The following SAMSN1 variants were observed in gnomAD, a reference collection of about 807,000 sequenced individuals.
SAMSN1 encodes SAM domain, SH3 domain and nuclear localization signals 1, also known as SAM domain-containing protein SAMSN-1.
Under a neutral mutation model 42.0 loss-of-function variants are expected in SAMSN1, and 31 were observed. That is an observed-to-expected ratio of 0.74 (90% CI 0.55 to 1.00). The LOEUF (loss-of-function observed/expected upper bound fraction) is 1.00. Ranked by LOEUF, SAMSN1 falls within the 50% of genes least tolerant of loss-of-function variation. The pLI, the probability that SAMSN1 is intolerant of heterozygous loss-of-function variation, is 0.00. For synonymous variants in SAMSN1, 178 were observed against 151.9 expected, an observed-to-expected ratio of 1.17 and a Z score of -1.26; for missense variants, 464 against 439.4, an observed-to-expected ratio of 1.06 and a Z score of -0.50.
chr21:14,509,866 G>A (rs1286912451), intron 5 of SAMSN1, among the ~76,000 whole-genome samples: 3 of 152,168 alleles, frequency 2.0e-5, no homozygotes, highest in Non-Finnish European at 4.4e-5. Context: ...TGGGCCAGGC[G>A]TGGTGGCTCA....
intron 2 of SAMSN1, among the ~76,000 whole-genome samples, chr21:14,570,261 C>T (rs918211462): frequency 1.3e-5 from 2 of 152,158 alleles, no homozygotes; most frequent in Non-Finnish European, 2.9e-5. Flanking sequence ...GAAAGCCACC[C>T]TTAATATTCA....
At chr21:14,564,379 A>T (rs1027552203) in intron 2 of SAMSN1, among the ~76,000 whole-genome samples, 2 of 152,212 alleles carry the variant, frequency 1.3e-5, no homozygotes, top group African/African-American at 2.4e-5. Context: ...ATTTATTGAT[A>T]ATCTGCTATA....
At chr21:14,614,356 A>T (rs1435915320) in intron 3 of SAMSN1, among the ~76,000 whole-genome samples, 1 of 152,164 alleles carries the variant, frequency 6.6e-6, no homozygotes, top group African/African-American at 2.4e-5. Flanking sequence ...GTTTGGTGAT[A>T]TGAGTTTATC....
intron 1 of SAMSN1, among the ~76,000 whole-genome samples, chr21:14,651,223 C>CA (rs1026471209): frequency 5.0e-4 from 72 of 145,452 alleles, no homozygotes; most frequent in Admixed American, 9.6e-4. Context: ...AAAGACACAT[C>CA]AAAAAAAAAA....
chr21:14,515,197 G>A (rs1469118118), intron 3 of SAMSN1, among the ~76,000 whole-genome samples: 1 of 152,142 alleles, frequency 6.6e-6, no homozygotes, highest in African/African-American at 2.4e-5. Context: ...ACTACTGACG[G>A]CGACAGCTAT....
chr21:14,639,765 G>A (rs1446480003), intron 2 of SAMSN1, among the ~76,000 whole-genome samples: 1 of 151,694 alleles, frequency 6.6e-6, no homozygotes, highest in Non-Finnish European at 1.5e-5. Flanking sequence ...TTTTTTCAGC[G>A]CATTTACTTA....
In SAMSN1 at chr21:14,527,806, A is replaced by G. The variant is rs78654300; in HGVS notation, c.58-6585T>C. On this transcript the variant is annotated intron_variant, in intron 1 of 7. Transcript: ENST00000400566. ...AAATGCAGAATGATCCATAACCTCT[A>G]AAAGTGGTTATTCATACCAGCTTAT... Among the ~76,000 whole-genome samples the G allele has an allele frequency of 2.2e-3, 334 of 151,872 alleles. 1 individual carries two copies. The highest frequency in any genetic ancestry group is 7.6e-3 in the African/African-American group (317 of 41,482).
At chr21:14,555,649 TC>T (rs960077681) in intron 2 of SAMSN1, among the ~76,000 whole-genome samples, 9 of 152,216 alleles carry the variant, frequency 5.9e-5, no homozygotes, top group African/African-American at 2.2e-4. Flanking sequence ...TTCATATTCT[TC>T]TCACAAGCAC....
intron 2 of SAMSN1, among the ~76,000 whole-genome samples, chr21:14,518,753 A>G (rs113192847): frequency 6.6e-6 from 1 of 152,234 alleles, no homozygotes; most frequent in Non-Finnish European, 1.5e-5. Flanking sequence ...ATTGCACTTT[A>G]TTAATTTCTA....
chr21:14,618,699 C>CGT (rs1982918926), intron 2 of SAMSN1, among the ~76,000 whole-genome samples: 2 of 133,548 alleles, frequency 1.5e-5, no homozygotes, highest in African/African-American at 2.8e-5. Flanking sequence ...TGTGCGCGCG[C>CGT]GCGCACGCGC....
chr21:14,485,636 A>G lies in SAMSN1; in HGVS notation c.*276T>C, dbSNP rs1011944033. 3 of 256,094 alleles carry G rather than the reference A, an allele frequency of 1.2e-5. No homozygotes were observed. The highest frequency in any genetic ancestry group is 2.2e-5 in the Non-Finnish European group (3 of 134,012). The allele number at this position is 256,094 out of a possible 1,614,324, so 15.9% of individuals were successfully genotyped here. Reference sequence around the variant, plus strand: ...CTTGTAAAATAAAGCCAAATAAAGCATATGTCACACATACCAAAGTCTTAC... The same window carrying G: ...CTTGTAAAATAAAGCCAAATAAAGCGTATGTCACACATACCAAAGTCTTAC... On this transcript the variant is annotated 3_prime_UTR_variant, in exon 8 of 8. Coordinates refer to ENST00000400566, the MANE Select transcript of SAMSN1 (RefSeq NM_022136.5).
chr21:14,586,648 G>A (rs771855029), upstream of SAMSN1, among the ~76,000 whole-genome samples: 5 of 152,108 alleles, frequency 3.3e-5, no homozygotes, highest in Non-Finnish European at 7.4e-5. Flanking sequence ...AAGAAATGCT[G>A]TATTAATAAT....
intron 1 of SAMSN1, chr21:14,523,488 C>G (rs182915233): frequency 2.6e-5 from 4 of 152,292 alleles, no homozygotes; most frequent in African/African-American, 7.2e-5. Context: ...CCTACAGTGG[C>G]TTCCCAGAAT....
intron 6 of SAMSN1, among the ~76,000 whole-genome samples, chr21:14,599,337 A>G (rs1982364939): frequency 6.6e-6 from 1 of 152,140 alleles, no homozygotes; most frequent in Non-Finnish European, 1.5e-5. Context: ...TTTTATAAGC[A>G]TCTGGCATTG....
intron 2 of SAMSN1, among the ~76,000 whole-genome samples, chr21:14,561,972 A>G (rs913634355): frequency 1.2e-4 from 19 of 152,282 alleles, no homozygotes; most frequent in African/African-American, 3.6e-4. Flanking sequence ...GGCCCTGCCA[A>G]TACCTTGATT....
chr21:14,614,484 C>G (rs1568831156), intron 3 of SAMSN1, among the ~76,000 whole-genome samples: 1 of 152,122 alleles, frequency 6.6e-6, no homozygotes, highest in African/African-American at 2.4e-5. Flanking sequence ...TGGGTAAACA[C>G]ACATATCTCA....
intron 1 of SAMSN1, among the ~76,000 whole-genome samples, chr21:14,527,386 A>C (rs1435900606): frequency 1.3e-5 from 2 of 152,202 alleles, no homozygotes; most frequent in Non-Finnish European, 2.9e-5. Context: ...AGTGGAATAC[A>C]CTTCTGTGGG....
At chr21:14,540,450 A>C (rs952006168) in intron 1 of SAMSN1, among the ~76,000 whole-genome samples, 7 of 152,246 alleles carry the variant, frequency 4.6e-5, no homozygotes, top group Admixed American at 1.3e-4. Flanking sequence ...ATACAAGAAA[A>C]AAACAAACAA....
At chr21:14,503,878 A>G (rs1163984494) in intron 5 of SAMSN1, among the ~76,000 whole-genome samples, 1 of 152,090 alleles carries the variant, frequency 6.6e-6, no homozygotes, top group Admixed American at 6.6e-5. Flanking sequence ...CAATCTAAAT[A>G]CCGTGCTGGC....
Sources: allele counts gnomAD v4.1 joint callset (sites outside exome capture counted in the v4.1 genomes callset), GRCh38; gene constraint gnomAD v4.1.1; transcripts MANE v1.5; gene names NCBI Gene and HGNC (gene_info 2026-07-23, HGNC 2026-07-21).